The following ASAH2 variants were observed in gnomAD, a reference collection of about 807,000 sequenced individuals.
ASAH2 encodes the protein N-acylsphingosine amidohydrolase 2.
In ASAH2, 58 loss-of-function variants were observed where a neutral mutation model predicts 82.9. The observed-to-expected ratio is 0.70, with a 90% CI of 0.57 to 0.87. The LOEUF is 0.87. Ranked by LOEUF, ASAH2 falls within the 40% of genes least tolerant of loss-of-function variation. ASAH2 has a pLI of 0.00. For synonymous variants in ASAH2, 276 were observed against 289.7 expected (o/e 0.95, Z 0.48); for missense variants, 779 against 834.0 (o/e 0.93, Z 0.81).
chr10:50,202,575 A>C (rs1446422567), intron 16 of ASAH2, among the ~76,000 whole-genome samples: 4 of 152,074 alleles, frequency 2.6e-5, no homozygotes, highest in Non-Finnish European at 4.4e-5. Flanking sequence ...GCTTGTTACC[A>C]ATGCCCCTGA....
intron 8 of ASAH2, 31 bp downstream of exon 8, chr10:50,218,479 A>G: frequency 6.2e-7 from 1 of 1,613,634 alleles, no homozygotes; most frequent in Non-Finnish European, 8.5e-7. Flanking sequence ...CAGTGAATCA[A>G]GATGAAGCTT....
chr10:50,221,698 GGATAGATA>G (rs199560545), intron 7 of ASAH2, among the ~76,000 whole-genome samples: 12,543 of 147,230 alleles, frequency 0.085, 611 homozygotes, highest in Middle Eastern at 0.27. Context: ...ATAGATGGAT[GGATAGATA>G]GATAGATAGA....
intron 3 of ASAH2, among the ~76,000 whole-genome samples, 175 bp from the exon 4 acceptor site, chr10:50,243,526 A>G (rs972328072): frequency 7.9e-5 from 12 of 152,252 alleles, no homozygotes; most frequent in African/African-American, 2.7e-4. Context: ...AGGAACAAAG[A>G]AAGCCAAAAA....
intron 8 of ASAH2, 24 bp from the exon 9 acceptor site, chr10:50,214,892 C>A (rs1378471197): frequency 6.2e-7 from 1 of 1,612,718 alleles, no homozygotes; most frequent in African/African-American, 1.3e-5. Context: ...TGCCAAGTTG[C>A]CTTTTATTCT....
At chr10:50,212,182 A>ACAC (rs1845471880) in intron 10 of ASAH2, among the ~76,000 whole-genome samples, 1 of 146,922 alleles carries the variant, frequency 6.8e-6, no homozygotes, top group Non-Finnish European at 1.5e-5. Context: ...AAACTATTTA[A>ACAC]ACACACACAC....
Position 50,248,663 on chromosome 10 carries a change from C to G in ASAH2, c.-36-17G>C, listed in dbSNP as rs1355893409. The G allele has an allele frequency of 1.3e-5, 20 of 1,569,638 alleles. No homozygotes were observed. Among genetic ancestry groups the G allele is most frequent in the Non-Finnish European group, 1.7e-5 (20 of 1,153,880 alleles). ...GAAGAAATACTGAAGAGGAAGAAAT[C>G]ACAAATTAAAATGCAAATGCTTTAA... On this transcript the variant is annotated splice_polypyrimidine_tract_variant and intron_variant, in intron 1 of 20. Transcript: ENST00000682911.
At chr10:50,233,389 AGT>A in intron 6 of ASAH2, 128 bp from the exon 7 acceptor site, 3 of 712,510 alleles carry the variant, frequency 4.2e-6, no homozygotes. Context: ...GACAAGCAGT[AGT>A]TCTGTGAACT....
Position 50,233,258 on chromosome 10 carries a change from A to G in ASAH2, c.819T>C (p.Tyr273=). 6.2e-7 allele frequency: 1 copy of G among 1,605,010 alleles called. No homozygotes were observed. Among genetic ancestry groups the G allele is most frequent in the Non-Finnish European group, 8.5e-7 (1 of 1,171,960 alleles). Residue 273 remains tyrosine, a synonymous_variant, in exon 7 of 21, where the codon TAT becomes TAC. Transcript: ENST00000682911. ...TCATTTCCTTGTCTGTATTTGAAGA[A>G]TACCTAGTCAGTAAAACAGAAAAGC... The part of the protein sequence containing the change: ...LQNPQSERAR[Y]SSNTDKEMIV...
intron 14 of ASAH2, among the ~76,000 whole-genome samples, chr10:50,204,130 C>T (rs1304231165): frequency 6.6e-6 from 1 of 151,730 alleles, no homozygotes; most frequent in African/African-American, 2.4e-5. Context: ...TAGGAGCTTG[C>T]AAGTTTGAGG....
chr10:50,216,705 C>T (rs1414491925), intron 8 of ASAH2, among the ~76,000 whole-genome samples: 3 of 152,136 alleles, frequency 2.0e-5, no homozygotes, highest in Admixed American at 6.6e-5. Flanking sequence ...TAGAGCCATG[C>T]AAGTCCTCTG....
chr10:50,193,768 A>C (rs1425108972), intron 18 of ASAH2, among the ~76,000 whole-genome samples: 1 of 151,950 alleles, frequency 6.6e-6, no homozygotes, highest in African/African-American at 2.4e-5. Context: ...TTGAGGACAC[A>C]AATTACCAAA....
intron 7 of ASAH2, among the ~76,000 whole-genome samples, chr10:50,223,392 G>A (rs983400142): frequency 7.9e-5 from 12 of 152,138 alleles, no homozygotes; most frequent in East Asian, 1.9e-4. Flanking sequence ...TAAGTAGGTG[G>A]TTAAATCCAG....
intron 7 of ASAH2, among the ~76,000 whole-genome samples, chr10:50,226,712 T>C (rs1456240353): frequency 2.0e-5 from 3 of 152,146 alleles, no homozygotes; most frequent in East Asian, 3.9e-4. Flanking sequence ...TTTAAAAATA[T>C]AGTTTATTAA....
chr10:50,215,633 G>A (rs1456011728), intron 8 of ASAH2, among the ~76,000 whole-genome samples: 1 of 151,780 alleles, frequency 6.6e-6, no homozygotes, highest in Non-Finnish European at 1.5e-5. Flanking sequence ...TATTTCTGAG[G>A]CCTCTGTTCT....
At chr10:50,223,800 AC>A (rs1845808638) in intron 7 of ASAH2, among the ~76,000 whole-genome samples, 1 of 152,170 alleles carries the variant, frequency 6.6e-6, no homozygotes, top group Non-Finnish European at 1.5e-5. Context: ...ACAGAGAGAA[AC>A]CCAGAGACAT....
chr10:50,224,751 T>C (rs1312777371), intron 7 of ASAH2, among the ~76,000 whole-genome samples: 1 of 152,158 alleles, frequency 6.6e-6, no homozygotes, highest in Admixed American at 6.5e-5. Flanking sequence ...CTTCACACCC[T>C]CGTTTTCACT....
rs934397646 is a variant in ASAH2 at position 50,213,047 on chromosome 10, G to A, written c.1152C>T (p.Cys384=). 30 of 1,612,920 alleles carry A rather than the reference G, an allele frequency of 1.9e-5. 1 individual carries two copies. The highest frequency in any genetic ancestry group is 2.3e-5 in the Non-Finnish European group (27 of 1,179,072). Reference sequence around the variant, plus strand: ...TATCCTGTCCAGGTCCCTTAGCAATGCACATGCTAGGCTGGAACAAAATAA... The same window carrying A: ...TATCCTGTCCAGGTCCCTTAGCAATACACATGCTAGGCTGGAACAAAATAA... ...STCPIGGPSM[C]IAKGPGQDMF... Residue 384 remains cysteine, a synonymous_variant, in exon 10 of 21, where the codon TGC becomes TGT. Coordinates refer to ENST00000682911, the MANE Select transcript of ASAH2 (RefSeq NM_019893.4).
At chr10:50,230,152 GGA>G (rs1225849294) in intron 7 of ASAH2, among the ~76,000 whole-genome samples, 2 of 152,166 alleles carry the variant, frequency 1.3e-5, no homozygotes, top group Non-Finnish European at 2.9e-5. Context: ...ATCATTCCAA[GGA>G]AGTATTGCGT....
rs957350433 is a variant in ASAH2, at chr10:50,203,771, T to C, written c.1626-92A>G. 3.1e-5 allele frequency: 33 copies of C among 1,056,648 alleles called. No homozygotes were observed. In the Admixed American group the frequency reaches 4.8e-4, roughly 15 times the overall value. 65.5% of individuals were successfully genotyped at this position (1,056,648 alleles called of 1,614,324 possible). ...GGCAGTGAAAGCCAAAAAATTACCC[T>C]GGCTCATCACACAATAGTAAAATAT... On this transcript the variant is annotated intron_variant, in intron 14 of 20. Transcript: ENST00000682911.
Sources: allele counts gnomAD v4.1 joint callset (sites outside exome capture counted in the v4.1 genomes callset), GRCh38; gene constraint gnomAD v4.1.1; transcripts MANE v1.5; gene names NCBI Gene and HGNC (gene_info 2026-07-23, HGNC 2026-07-21).